Variants in SYNE3 observed in about 807,000 individuals in gnomAD.
SYNE3 encodes nesprin-3.
Under a neutral mutation model 111.2 loss-of-function variants are expected in SYNE3, and 100 were observed. The ratio of observed to expected loss-of-function variants is 0.90; its 90% CI spans 0.77 to 1.06. SYNE3 has a LOEUF of 1.06. Among genes scored for constraint, SYNE3 ranks in the 50% least tolerant of loss-of-function variants. The pLI, the probability that SYNE3 is intolerant of heterozygous loss-of-function variation, is 0.00. For synonymous variants in SYNE3, 547 were observed against 533.9 expected (o/e 1.02, Z -0.34); for missense variants, 1,160 against 1,240.3 (o/e 0.94, Z 0.97).
chr14:95,481,050 C>T lies in SYNE3; in HGVS notation c.-14-5215G>A, dbSNP rs1399254538. On this transcript the variant is annotated intron_variant, in intron 1 of 17. Coordinates refer to ENST00000682763, the MANE Select transcript of SYNE3 (RefSeq NM_152592.6). ...ACCTCTTAGAATGCTGCGGGGCTGA[C>T]TGGGGCAGGTGTGGGAGCACCTGGT... Among the ~76,000 whole-genome samples, 3 of 152,174 alleles carry T rather than the reference C, an allele frequency of 2.0e-5. No individual in the cohort carries two copies. In the East Asian group the frequency reaches 5.8e-4, roughly 29 times the overall value.
At chr14:95,468,735 C>T (rs937335254) in intron 2 of SYNE3, among the ~76,000 whole-genome samples, 2 of 152,186 alleles carry the variant, frequency 1.3e-5, no homozygotes, top group African/African-American at 4.8e-5. Flanking sequence ...ATTCTCCCAG[C>T]GGGATCCCCC....
chr14:95,440,643 A>G (rs1485962044), intron 11 of SYNE3, among the ~76,000 whole-genome samples: 1 of 152,248 alleles, frequency 6.6e-6, no homozygotes, highest in East Asian at 1.9e-4. Flanking sequence ...TGAATTTACA[A>G]CCATCATCTG....
chr14:95,460,260 A>G (rs1036959706), intron 4 of SYNE3, among the ~76,000 whole-genome samples: 4 of 151,702 alleles, frequency 2.6e-5, no homozygotes, highest in Non-Finnish European at 5.9e-5. Context: ...ACTGGAGTAC[A>G]ATGGCCTGAT....
intron 4 of SYNE3, among the ~76,000 whole-genome samples, chr14:95,462,962 C>T (rs1161905115): frequency 1.3e-5 from 2 of 152,144 alleles, no homozygotes; most frequent in Non-Finnish European, 2.9e-5. Flanking sequence ...TTGAGACCAG[C>T]CTGACCAACA....
At position 95,439,148 on chromosome 14, in the gene SYNE3, C is replaced by T. The variant is rs751557832; in HGVS notation, c.2261G>A (p.Trp754Ter). Residue 754 changes from tryptophan to a stop codon, truncating the protein, a stop_gained, in exon 14 of 18, where the codon TGG becomes TAG. Transcript: ENST00000682763. LOFTEE classifies it high-confidence loss of function. ...ATCCACTTCCATCCTCTGCAGATGC[C>T]AGTTTCTGATGAGGCTGAGAAGACA... Reference protein sequence around the residue: ...EESLLSLIRNWHLQRMEVDSG... With the variant: ...EESLLSLIRN 15 of 1,614,120 alleles carry T rather than the reference C, an allele frequency of 9.3e-6. No homozygotes were observed. The highest frequency in any genetic ancestry group is 2.7e-5 in the African/African-American group (2 of 74,938).
In SYNE3 at chr14:95,457,166, C is replaced by A. The variant is rs553840182; in HGVS notation, c.789+11G>T. 6.2e-7 allele frequency: 1 copy of A among 1,612,332 alleles called. No homozygotes were observed. The highest frequency in any genetic ancestry group is 8.5e-7 in the Non-Finnish European group (1 of 1,179,306). ...TAGGGTCCCTCTGGTTGAGACACAG[C>A]TGGGGATTACCTGCAGTGTGGAGAG... On this transcript the variant is annotated intron_variant, in intron 5 of 17. Transcript: ENST00000682763.
chr14:95,414,810 GAAT>G lies in SYNE3; in HGVS notation c.*3013_*3015del, dbSNP rs1903528633. 6.6e-6 allele frequency: 1 copy of G among 151,718 alleles called. No homozygotes were observed. Among genetic ancestry groups the G allele is most frequent in the Middle Eastern group, 3.4e-3 (1 of 294 alleles). 9.4% of individuals were successfully genotyped at this position (151,718 alleles called of 1,614,324 possible). On this transcript the variant is annotated 3_prime_UTR_variant, in exon 18 of 18. Coordinates refer to ENST00000682763, the MANE Select transcript of SYNE3 (RefSeq NM_152592.6). ...AAGAGGCTGGAAACTAAAGTCATAA[GAAT>G]AATTGCCTGGCTCTCCTTTAAGCAA...
intron 1 of SYNE3, among the ~76,000 whole-genome samples, chr14:95,483,844 G>A (rs1391480845): frequency 2.6e-5 from 4 of 152,214 alleles, no homozygotes; most frequent in Admixed American, 6.5e-5. Flanking sequence ...GCTAGGCATG[G>A]TTACACAAGA....
At chr14:95,513,737 T>TTATATATATAAATATATATATATA (rs1890804684) in intron 1 of SYNE3, among the ~76,000 whole-genome samples, 1 of 92,506 alleles carries the variant, frequency 1.1e-5, no homozygotes, top group African/African-American at 4.7e-5. Flanking sequence ...GCTGCTTAGA[T>TTATATATATAAATATATATATATA]TATATATATA....
Position 95,413,680 on chromosome 14 carries a change from GC to G in SYNE3, c.*4145del, listed in dbSNP as rs1903492819. On this transcript the variant is annotated 3_prime_UTR_variant, in exon 18 of 18. Coordinates refer to ENST00000682763, the MANE Select transcript of SYNE3 (RefSeq NM_152592.6). Reference sequence around the variant, plus strand: ...TCCCCAGCTTCCTTCCCCTGAAGATGCCCGGAGACAAGCATCTTTGGACCCC... The same window carrying G: ...TCCCCAGCTTCCTTCCCCTGAAGATGCCGGAGACAAGCATCTTTGGACCCC... 1 of 152,240 alleles carries G rather than the reference GC, an allele frequency of 6.6e-6. No individual in the cohort carries two copies. The allele number at this position is 152,240 out of a possible 1,614,324, so 9.4% of individuals were successfully genotyped here.
In SYNE3 at chr14:95,411,321, C is replaced by CAAAAAA. The variant is rs5810723; in HGVS notation, c.*6499_*6504dup. The CAAAAAA allele has an allele frequency of 1.4e-5, 2 of 137,976 alleles. No individual in the cohort carries two copies. The highest frequency in any genetic ancestry group is 3.2e-5 in the Non-Finnish European group (2 of 63,458). The allele number at this position is 137,976 out of a possible 1,614,324, so 8.5% of individuals were successfully genotyped here. A position where few individuals can be genotyped will look rare whatever the true frequency, so the allele number is the denominator to read the frequency against. On this transcript the variant is annotated 3_prime_UTR_variant, in exon 18 of 18. Coordinates refer to ENST00000682763, the MANE Select transcript of SYNE3 (RefSeq NM_152592.6). ...GAACATCCTAATTTTAACATAAATT[C>CAAAAAA]AAAAAAAAAAAAAGAAAAAAGAAAA...
At position 95,414,176 on chromosome 14, in the gene SYNE3, A is replaced by C. The variant is rs1903504145; in HGVS notation, c.*3650T>G. 6.6e-6 allele frequency: 1 copy of C among 152,186 alleles called. No homozygotes were observed. Among genetic ancestry groups the C allele is most frequent in the South Asian group, 2.1e-4 (1 of 4,830 alleles). 9.4% of individuals were successfully genotyped at this position (152,186 alleles called of 1,614,324 possible). ...ACTGCAACCTGGTAGAACCAGCCTGAAGCCCCCCTCCAGCCTGGGCTTTGG... is the reference window on the plus strand; with the variant it reads ...ACTGCAACCTGGTAGAACCAGCCTGCAGCCCCCCTCCAGCCTGGGCTTTGG... On this transcript the variant is annotated 3_prime_UTR_variant, in exon 18 of 18. Transcript: ENST00000682763.
chr14:95,424,036 T>C (rs67609236), intron 17 of SYNE3, among the ~76,000 whole-genome samples: 106,005 of 142,490 alleles, frequency 0.74, 40,452 homozygotes, highest in Non-Finnish European at 0.83. Context: ...GAGGTGCCTG[T>C]GGGACCCCCA....
chr14:95,444,436 G>T (rs1397555462), intron 10 of SYNE3, 49 bp downstream of exon 10: 2 of 1,539,394 alleles, frequency 1.3e-6, no homozygotes, highest in African/African-American at 2.8e-5. Flanking sequence ...GCTTCCAGGT[G>T]CAGCTGAGCA....
intron 17 of SYNE3, 129 bp downstream of exon 17, chr14:95,431,950 C>T (rs575629137): frequency 9.4e-7 from 1 of 1,060,042 alleles, no homozygotes; most frequent in South Asian, 1.5e-5. Context: ...AGTTGATCCC[C>T]CATAAATGTT....
chr14:95,510,894 A>G (rs993070700), intron 1 of SYNE3, among the ~76,000 whole-genome samples: 2 of 152,248 alleles, frequency 1.3e-5, no homozygotes, highest in African/African-American at 4.8e-5. Context: ...GAGCAGCAAG[A>G]CAGAGGTAGA....
chr14:95,510,077 C>T (rs1038598143), intron 1 of SYNE3, among the ~76,000 whole-genome samples: 4 of 152,210 alleles, frequency 2.6e-5, no homozygotes, highest in African/African-American at 9.6e-5. Flanking sequence ...CTCCTAAATA[C>T]TTCTCCAGCG....
intron 1 of SYNE3, among the ~76,000 whole-genome samples, chr14:95,501,819 A>G (rs1039171348): frequency 3.3e-5 from 5 of 152,220 alleles, no homozygotes; most frequent in African/African-American, 1.2e-4. Context: ...GGAGAGTCTC[A>G]AGCCTCATTC....
chr14:95,482,268 T>G (rs1165973327), intron 1 of SYNE3, among the ~76,000 whole-genome samples: 1 of 152,150 alleles, frequency 6.6e-6, no homozygotes, highest in African/African-American at 2.4e-5. Flanking sequence ...ACCCTGTCTC[T>G]ACTAAAAATA....
Sources: gnomAD v4.1 joint callset for allele counts (sites outside exome capture counted in the v4.1 genomes callset) on GRCh38, gnomAD v4.1.1 for gene constraint, MANE v1.5 for transcripts, NCBI Gene and HGNC (gene_info 2026-07-23, HGNC 2026-07-21) for gene names.